The following PHF21A variants were observed in gnomAD, a reference collection of about 807,000 sequenced individuals.
PHF21A encodes PHD finger protein 21A.
A neutral mutation model predicts 82.5 loss-of-function variants in PHF21A; 11 were observed. The ratio of observed to expected loss-of-function variants is 0.13; its 90% CI spans 0.08 to 0.22. The LOEUF (loss-of-function observed/expected upper bound fraction) is 0.22, where lower values mean the gene tolerates loss of function less well. PHF21A is among the 10% of genes least tolerant of loss of function. The pLI is 1.00. For missense variants in PHF21A, 579 were observed against 837.8 expected (o/e 0.69, Z 3.81); for synonymous variants, 297 against 302.8 (o/e 0.98, Z 0.20).
At chr11:46,082,320 G>C (rs560295863) in intron 4 of PHF21A, among the ~76,000 whole-genome samples, 2 of 152,170 alleles carry the variant, frequency 1.3e-5, no homozygotes, top group African/African-American at 4.8e-5. Flanking sequence ...TTCGTCAAAT[G>C]TATGTTCTGG....
chr11:46,016,391 A>G lies in PHF21A; in HGVS notation c.154-36425T>C, dbSNP rs952158481. Among the ~76,000 whole-genome samples, 5 of 152,016 alleles carry G rather than the reference A, an allele frequency of 3.3e-5. No individual in the cohort carries two copies. The East Asian group carries it at 9.6e-4, about 29-fold the overall frequency. ...GCCTCCCATTATATCCATTCCTTCA[A>G]CCACTCTGAATTATCTGCTATTTCC... On this transcript the variant is annotated intron_variant, in intron 6 of 18. Coordinates refer to ENST00000676320, the MANE Select transcript of PHF21A (RefSeq NM_001352027.3).
At chr11:46,086,095 A>G (rs2096853218) in intron 3 of PHF21A, among the ~76,000 whole-genome samples, 1 of 152,140 alleles carries the variant, frequency 6.6e-6, no homozygotes, top group Admixed American at 6.5e-5. Context: ...TACTATGGTG[A>G]ACAAATCTGG....
At chr11:46,114,531 C>T (rs140269085) in intron 1 of PHF21A, among the ~76,000 whole-genome samples, 253 of 152,306 alleles carry the variant, frequency 1.7e-3, no homozygotes, top group African/African-American at 5.8e-3. Flanking sequence ...ATAAAAGTGA[C>T]GGGCTACTAT....
chr11:46,088,319 A>G (rs2096880459), intron 3 of PHF21A, among the ~76,000 whole-genome samples: 1 of 152,170 alleles, frequency 6.6e-6, no homozygotes, highest in Non-Finnish European at 1.5e-5. Context: ...CAGCAAGGCC[A>G]CTTGCCTAGC....
At chr11:45,956,261 A>G (rs993174606) in intron 10 of PHF21A, among the ~76,000 whole-genome samples, 1 of 152,212 alleles carries the variant, frequency 6.6e-6, no homozygotes, top group Admixed American at 6.5e-5. Context: ...AACTAGATGA[A>G]TAAATATAAA....
intron 5 of PHF21A, among the ~76,000 whole-genome samples, chr11:46,078,612 G>A (rs2096755792): frequency 6.6e-6 from 1 of 151,980 alleles, no homozygotes; most frequent in African/African-American, 2.4e-5. Context: ...GTAACATAAG[G>A]TACTTTTTAA....
At chr11:46,093,947 T>C (rs1260926586) in intron 1 of PHF21A, among the ~76,000 whole-genome samples, 1 of 152,144 alleles carries the variant, frequency 6.6e-6, no homozygotes, top group Non-Finnish European at 1.5e-5. Flanking sequence ...AAAAGACTGA[T>C]AAATTGGACA....
intron 6 of PHF21A, among the ~76,000 whole-genome samples, chr11:46,025,168 T>C (rs1354616791): frequency 1.3e-5 from 2 of 151,664 alleles, no homozygotes; most frequent in Admixed American, 6.6e-5. Context: ...TAATTTTCTC[T>C]GGGGCATATG....
At chr11:45,966,802 A>G (rs1413413177) in intron 9 of PHF21A, among the ~76,000 whole-genome samples, 1 of 152,006 alleles carries the variant, frequency 6.6e-6, no homozygotes, top group African/African-American at 2.4e-5. Context: ...TATTTTTAGT[A>G]CGGACAGGGT....
chr11:46,070,487 C>A lies in PHF21A; in HGVS notation c.153+6267G>T, dbSNP rs565641031. 2.6e-5 allele frequency among the ~76,000 whole-genome samples: 4 copies of A among 152,234 alleles called. No homozygotes were observed. In the East Asian group the frequency reaches 7.7e-4, roughly 29 times the overall value. On this transcript the variant is annotated intron_variant, in intron 6 of 18. Transcript: ENST00000676320. Reference sequence around the variant, plus strand: ...CTGGTACTACAGGTGCCCGCCACCACACCCAGCTAATTTTTGTATTTTTAG... The same window carrying A: ...CTGGTACTACAGGTGCCCGCCACCAAACCCAGCTAATTTTTGTATTTTTAG...
At chr11:45,944,406 T>C (rs930009241) in intron 15 of PHF21A, among the ~76,000 whole-genome samples, 5 of 152,178 alleles carry the variant, frequency 3.3e-5, no homozygotes, top group African/African-American at 7.2e-5. Context: ...GTACCATTAT[T>C]GTAACTTTTC....
intron 6 of PHF21A, among the ~76,000 whole-genome samples, chr11:46,040,392 G>A (rs1401851244): frequency 6.6e-6 from 1 of 152,120 alleles, no homozygotes; most frequent in East Asian, 1.9e-4. Context: ...GTTTTTTTTA[G>A]CATTCTTTAA....
intron 14 of PHF21A, among the ~76,000 whole-genome samples, chr11:45,948,594 A>G (rs988544950): frequency 9.9e-5 from 15 of 152,208 alleles, no homozygotes; most frequent in African/African-American, 1.4e-4. Context: ...GGTTCTGTTC[A>G]CTGTGCTATT....
At chr11:46,074,432 T>C (rs1016574411) in intron 6 of PHF21A, among the ~76,000 whole-genome samples, 3 of 148,170 alleles carry the variant, frequency 2.0e-5, no homozygotes, top group Non-Finnish European at 4.5e-5. Context: ...GGTTAGGTTC[T>C]GCCAGAGGAT....
chr11:45,958,255 C>G (rs918618947), intron 10 of PHF21A, among the ~76,000 whole-genome samples: 16 of 150,312 alleles, frequency 1.1e-4, no homozygotes, highest in Non-Finnish European at 2.4e-4. Flanking sequence ...GAGGCCAGCA[C>G]TACTCTGATA....
intron 6 of PHF21A, among the ~76,000 whole-genome samples, chr11:45,995,366 T>C (rs1419777422): frequency 6.6e-6 from 1 of 152,154 alleles, no homozygotes; most frequent in Non-Finnish European, 1.5e-5. Flanking sequence ...CTGAAGGTGC[T>C]CCTGTCCTAA....
intron 3 of PHF21A, among the ~76,000 whole-genome samples, chr11:46,087,973 T>C (rs1283749350): frequency 6.6e-6 from 1 of 152,066 alleles, no homozygotes; most frequent in Admixed American, 6.6e-5. Context: ...CCTAGGCTGG[T>C]CTTGAGCTCC....
intron 3 of PHF21A, among the ~76,000 whole-genome samples, chr11:46,084,799 C>T (rs995578014): frequency 4.6e-5 from 7 of 152,034 alleles, no homozygotes; most frequent in Non-Finnish European, 8.8e-5. Context: ...CCTGCCTCAG[C>T]CTCCAGAGTA....
chr11:46,098,188 C>A (rs1006007023), intron 1 of PHF21A, among the ~76,000 whole-genome samples: 18 of 152,164 alleles, frequency 1.2e-4, no homozygotes, highest in Admixed American at 9.8e-4. Flanking sequence ...TAGCTAAAAT[C>A]TACAAAGATT....
Sources: allele counts gnomAD v4.1 joint callset (sites outside exome capture counted in the v4.1 genomes callset), GRCh38; gene constraint gnomAD v4.1.1; transcripts MANE v1.5; gene names NCBI Gene and HGNC (gene_info 2026-07-23, HGNC 2026-07-21).